IDO2: variants seen among roughly 807,000 people sequenced by gnomAD.
The protein encoded by IDO2 is indoleamine 2,3-dioxygenase-like 1 protein.
A neutral mutation model predicts 45.1 loss-of-function variants in IDO2; 46 were observed. The ratio of observed to expected loss-of-function variants is 1.02; its 90% CI spans 0.80 to 1.30. IDO2 has a LOEUF of 1.30. Ranked by LOEUF, IDO2 falls within the 50% of genes most tolerant of loss-of-function variation. IDO2 has a pLI of 0.00. For synonymous variants in IDO2, 218 were observed against 184.9 expected, an observed-to-expected ratio of 1.18 and a Z score of -1.45; for missense variants, 544 against 491.8, an observed-to-expected ratio of 1.11 and a Z score of -1.00.
chr8:39,984,911 A>T, intron 5 of IDO2: 1 of 432,612 alleles, frequency 2.3e-6, no homozygotes, highest in South Asian at 1.6e-5. Context: ...AAAATGTAAG[A>T]TGAGTGAAAT....
At chr8:39,982,951 A>G (rs1181300107) in intron 5 of IDO2, among the ~76,000 whole-genome samples, 181 bp downstream of exon 5, 1 of 152,222 alleles carries the variant, frequency 6.6e-6, no homozygotes, top group Non-Finnish European at 1.5e-5. Flanking sequence ...TCCATTCTGA[A>G]CACATTGGCT....
chr8:39,978,443 A>G (rs150991307), intron 3 of IDO2, among the ~76,000 whole-genome samples: 11 of 152,264 alleles, frequency 7.2e-5, no homozygotes, highest in East Asian at 3.9e-4. Flanking sequence ...AACTGCTGAT[A>G]CTTGTTTACC....
intron 3 of IDO2, among the ~76,000 whole-genome samples, chr8:39,977,117 A>G (rs140164282): frequency 1.0e-3 from 156 of 152,362 alleles, no homozygotes; most frequent in African/African-American, 3.7e-3. Context: ...GAACATTTAT[A>G]TGAAAGATTA....
exon 11 of IDO2, chr8:40,015,948 T>C: frequency 2.8e-6 from 1 of 355,454 alleles, no homozygotes; most frequent in Non-Finnish European, 5.0e-6. Flanking sequence ...TGGGGATACA[T>C]TACTTGTTGA....
In IDO2 at chr8:39,996,503, T is replaced by C. The variant is rs1802048806; in HGVS notation, c.667+6665T>C. Among the ~76,000 whole-genome samples, 4 of 152,234 alleles carry C rather than the reference T, an allele frequency of 2.6e-5. No individual in the cohort carries two copies. In the South Asian group the frequency reaches 6.2e-4, roughly 24 times the overall value. On this transcript the variant is annotated intron_variant, in intron 8 of 10. Transcript: ENST00000502986. ...TGCCCCTTGCCTTGTATCTAATAAA[T>C]AACAGCTCAATCTGGCATTTGGGGC...
At chr8:40,000,408 T>TC (rs1434684595) in intron 8 of IDO2, among the ~76,000 whole-genome samples, 3 of 149,194 alleles carry the variant, frequency 2.0e-5, no homozygotes, top group African/African-American at 5.0e-5. Context: ...GACTCCATCT[T>TC]CAAAAAAAAA....
chr8:39,955,831 A>G (rs1432005105), intron 2 of IDO2, among the ~76,000 whole-genome samples: 1 of 152,154 alleles, frequency 6.6e-6, no homozygotes, highest in Non-Finnish European at 1.5e-5. Flanking sequence ...ATATTTCTAG[A>G]TTTTACTGTT....
chr8:39,996,694 C>A (rs373500451), intron 8 of IDO2, among the ~76,000 whole-genome samples: 2 of 152,134 alleles, frequency 1.3e-5, no homozygotes, highest in African/African-American at 4.8e-5. Flanking sequence ...GAATTACAGG[C>A]ATGAGCCACC....
At chr8:39,999,671 C>T (rs1287855488) in intron 8 of IDO2, among the ~76,000 whole-genome samples, 2 of 152,124 alleles carry the variant, frequency 1.3e-5, no homozygotes, top group Non-Finnish European at 2.9e-5. Context: ...ACTGTGTTGG[C>T]CAGGCTGGTC....
intron 3 of IDO2, among the ~76,000 whole-genome samples, chr8:39,966,449 A>C (rs1808086958): frequency 6.6e-6 from 1 of 152,242 alleles, no homozygotes; most frequent in Non-Finnish European, 1.5e-5. Flanking sequence ...AATAGTTTCG[A>C]GAGACTGAAT....
At position 39,974,953 on chromosome 8, in the gene IDO2, C is replaced by T. The variant is rs114235994; in HGVS notation, c.196-4114C>T. Among the ~76,000 whole-genome samples the T allele has an allele frequency of 5.1e-3, 752 of 148,148 alleles. 5 individuals carry two copies. The highest frequency in any genetic ancestry group is 0.018 in the African/African-American group (728 of 40,406). On this transcript the variant is annotated intron_variant, in intron 3 of 10. Transcript: ENST00000502986. Reference sequence around the variant, plus strand: ...AAAACAAAACAAAACAAAACAAAAGCACAAAATTAGCTGGGTGTGGTGGCA... The same window carrying T: ...AAAACAAAACAAAACAAAACAAAAGTACAAAATTAGCTGGGTGTGGTGGCA...
chr8:39,963,499 A>G (rs188668388), intron 2 of IDO2, 109 bp from the exon 3 acceptor site: 3 of 649,430 alleles, frequency 4.6e-6, no homozygotes, highest in Non-Finnish European at 8.1e-6. Context: ...TGTTCGTTCA[A>G]CTGCATTGAC....
At chr8:39,978,510 C>T (rs1000701271) in intron 3 of IDO2, among the ~76,000 whole-genome samples, 5 of 152,132 alleles carry the variant, frequency 3.3e-5, no homozygotes, top group Admixed American at 2.6e-4. Context: ...GCTGTGTCTT[C>T]CCCATTATGG....
At chr8:39,958,152 G>T (rs560838759) in intron 2 of IDO2, among the ~76,000 whole-genome samples, 2 of 151,848 alleles carry the variant, frequency 1.3e-5, no homozygotes, top group East Asian at 1.9e-4. Flanking sequence ...TGATCTGCCC[G>T]CATCGGCCTC....
intron 6 of IDO2, 30 bp downstream of exon 6, chr8:39,985,552 T>C: frequency 1.3e-6 from 2 of 1,547,138 alleles, no homozygotes; most frequent in Non-Finnish European, 8.8e-7. Flanking sequence ...TTACGCACTT[T>C]AGAATCCAGG....
chr8:39,995,293 T>TCTTCTTCCTC (rs1554548632), intron 8 of IDO2: 4 of 144,874 alleles, frequency 2.8e-5, no homozygotes, highest in Admixed American at 7.0e-5. Flanking sequence ...TTCTTCTTTT[T>TCTTCTTCCTC]TTTTTGAGAT....
chr8:39,959,546 G>T (rs1311355921), intron 2 of IDO2, among the ~76,000 whole-genome samples: 1 of 55,856 alleles, frequency 1.8e-5, no homozygotes, highest in Non-Finnish European at 4.7e-5. Context: ...CTTTGGCTGG[G>T]CACAGTGGGT....
At chr8:39,946,188 C>T (rs957837813) in intron 1 of IDO2, among the ~76,000 whole-genome samples, 2 of 152,220 alleles carry the variant, frequency 1.3e-5, no homozygotes, top group Admixed American at 1.3e-4. Context: ...AGTGGCTCAT[C>T]TGATCTTGTG....
chr8:40,015,482 C>A (rs1219674450), exon 11 of IDO2: 4 of 1,613,860 alleles, frequency 2.5e-6, no homozygotes, highest in Non-Finnish European at 2.5e-6. Flanking sequence ...GGAAGCCAAA[C>A]CATCTCCCAG....
Sources: allele counts gnomAD v4.1 joint callset (sites outside exome capture counted in the v4.1 genomes callset), GRCh38; gene constraint gnomAD v4.1.1; transcripts MANE v1.5; gene names NCBI Gene and HGNC (gene_info 2026-07-23, HGNC 2026-07-21).